GIN1: variants seen among roughly 807,000 people sequenced by gnomAD.
GIN1 encodes gypsy retrotransposon integrase 1.
Under a neutral mutation model 51.4 loss-of-function variants are expected in GIN1, and 41 were observed. The ratio of observed to expected loss-of-function variants is 0.80; its 90% confidence interval spans 0.62 to 1.04. The LOEUF (loss-of-function observed/expected upper bound fraction) is 1.04, where lower values mean the gene tolerates loss of function less well. Ranked by LOEUF, GIN1 falls within the 50% of genes least tolerant of loss-of-function variation. The probability of loss-of-function intolerance (pLI) is 0.00; values close to 1 mark genes in which losing one functional copy is unlikely to be tolerated. For synonymous variants in GIN1, 222 were observed against 206.5 expected, an observed-to-expected ratio of 1.07 and a Z score of -0.64; for missense variants, 610 against 612.4, an observed-to-expected ratio of 1.00 and a Z score of 0.04.
chr5:103,097,131 TC>T (rs1264970450), intron 6 of GIN1, among the ~76,000 whole-genome samples, 182 bp downstream of exon 6: 6 of 152,216 alleles, frequency 3.9e-5, no homozygotes, highest in African/African-American at 1.4e-4. Context: ...TTATTGCCTC[TC>T]AGCATTTCAT....
chr5:103,097,034 AT>A lies in GIN1; in HGVS notation c.1009-209del, dbSNP rs369668343. 6.8e-4 allele frequency among the ~76,000 whole-genome samples: 103 copies of A among 151,706 alleles called. No homozygotes were observed. The East Asian group carries it at 0.015, about 22-fold the overall frequency. ...AAGGTAAACTAAGATAGGTTAAGTA[AT>A]TTGCCGAAGTCAAACAACTCAAAAG... On this transcript the variant is annotated intron_variant, in intron 6 of 7. Coordinates refer to ENST00000399004, the MANE Select transcript of GIN1 (RefSeq NM_017676.2).
At chr5:103,106,462 T>C (rs1191911918) in intron 3 of GIN1, 3 of 295,614 alleles carry the variant, frequency 1.0e-5, no homozygotes, top group East Asian at 7.1e-5. Flanking sequence ...AAAAGTTCAA[T>C]GATACAAATC....
intron 1 of GIN1, among the ~76,000 whole-genome samples, chr5:103,111,485 G>A (rs1554196911): frequency 6.6e-6 from 1 of 152,090 alleles, no homozygotes; most frequent in Non-Finnish European, 1.5e-5. Flanking sequence ...GTAGGAAGAC[G>A]AGGTTTATAA....
At chr5:103,110,681 C>G (rs1377636372) in intron 1 of GIN1, among the ~76,000 whole-genome samples, 3 of 152,116 alleles carry the variant, frequency 2.0e-5, no homozygotes, top group African/African-American at 7.2e-5. Flanking sequence ...TGAGTTTCTT[C>G]TAAAGCTGAG....
intron 7 of GIN1, among the ~76,000 whole-genome samples, chr5:103,090,237 C>A (rs1405771592): frequency 1.3e-5 from 2 of 152,128 alleles, no homozygotes; most frequent in African/African-American, 4.8e-5. Flanking sequence ...TGCAGTAAGG[C>A]GAGATCGCAC....
chr5:103,110,142 A>G (rs1787832887), intron 1 of GIN1, among the ~76,000 whole-genome samples: 1 of 152,158 alleles, frequency 6.6e-6, no homozygotes, highest in Admixed American at 6.6e-5. Context: ...TTCTGGAAGA[A>G]AACATAGGAA....
At chr5:103,089,714 C>T (rs1787183207) in intron 7 of GIN1, among the ~76,000 whole-genome samples, 1 of 152,068 alleles carries the variant, frequency 6.6e-6, no homozygotes, top group Middle Eastern at 3.2e-3. Flanking sequence ...AGATTAATTG[C>T]CTATTTAGAT....
chr5:103,090,077 T>A (rs895869615), intron 7 of GIN1, among the ~76,000 whole-genome samples: 41 of 152,224 alleles, frequency 2.7e-4, no homozygotes, highest in Admixed American at 2.4e-3. Context: ...TCACTTAAGG[T>A]TAGGAGTTCG....
At chr5:103,104,453 C>T (rs1225952583) in intron 4 of GIN1, 88 bp downstream of exon 4, 2 of 644,244 alleles carry the variant, frequency 3.1e-6, no homozygotes, top group Non-Finnish European at 5.5e-6. Context: ...TTATTAAGCA[C>T]TCTGTAATAT....
chr5:103,089,148 T>C (rs1031681083), intron 7 of GIN1, among the ~76,000 whole-genome samples: 2 of 152,236 alleles, frequency 1.3e-5, no homozygotes, highest in East Asian at 1.9e-4. Context: ...ACTGAAGTAC[T>C]GACAGGGAGT....
chr5:103,101,807 T>C (rs910402247), intron 4 of GIN1, among the ~76,000 whole-genome samples: 3 of 152,334 alleles, frequency 2.0e-5, no homozygotes, highest in African/African-American at 7.2e-5. Context: ...ATCAATCGTA[T>C]ACATTATTAA....
At chr5:103,118,545 G>A (rs1344330812) in intron 1 of GIN1, among the ~76,000 whole-genome samples, 1 of 152,022 alleles carries the variant, frequency 6.6e-6, no homozygotes, top group Admixed American at 6.5e-5. Flanking sequence ...GAAGACTCAC[G>A]AATTGTATCC....
In GIN1 at chr5:103,107,800, T is replaced by C. The variant is rs1787767849; in HGVS notation, c.139+769A>G. Among the ~76,000 whole-genome samples, 3 of 152,108 alleles carry C rather than the reference T, an allele frequency of 2.0e-5. No individual in the cohort carries two copies. In the South Asian group the frequency reaches 6.2e-4, roughly 32 times the overall value. ...TAAGAGGTAATAGGTCTGCCTAATC[T>C]TAAGTATAAGGGAGTTATTGGTAGG... On this transcript the variant is annotated intron_variant, in intron 2 of 7. Transcript: ENST00000399004.
intron 7 of GIN1, among the ~76,000 whole-genome samples, chr5:103,090,923 ACACT>A (rs1453965862): frequency 2.6e-5 from 4 of 151,902 alleles, no homozygotes; most frequent in Non-Finnish European, 4.4e-5. Context: ...ACACACACAC[ACACT>A]CTTTTTCTTC....
At chr5:103,112,699 T>A (rs141278344) in intron 1 of GIN1, among the ~76,000 whole-genome samples, 2 of 152,304 alleles carry the variant, frequency 1.3e-5, no homozygotes, top group East Asian at 3.9e-4. Flanking sequence ...GATCTCTGAA[T>A]CTAAAGTGAT....
At chr5:103,117,538 T>C (rs924880665) in intron 1 of GIN1, among the ~76,000 whole-genome samples, 1 of 132,880 alleles carries the variant, frequency 7.5e-6, no homozygotes, top group Admixed American at 7.6e-5. Flanking sequence ...TGATACCCAA[T>C]AATGTGCAGG....
At chr5:103,091,140 T>G (rs1554194498) in intron 7 of GIN1, among the ~76,000 whole-genome samples, 1 of 152,184 alleles carries the variant, frequency 6.6e-6, no homozygotes, top group Non-Finnish European at 1.5e-5. Context: ...CTAAATCTAC[T>G]GGAGCTAAGA....
chr5:103,106,706 T>C lies in GIN1; in HGVS notation c.333+10A>G. On this transcript the variant is annotated intron_variant, in intron 3 of 7. Transcript: ENST00000399004. ...CATTATTCATAATACTCTAAATACATAAGCCATACCCACTGTTTGACATCA... is the reference window on the plus strand; with the variant it reads ...CATTATTCATAATACTCTAAATACACAAGCCATACCCACTGTTTGACATCA... The C allele has an allele frequency of 2.0e-6, 3 of 1,478,264 alleles. No homozygotes were observed. The highest frequency in any genetic ancestry group is 1.2e-5 in the South Asian group (1 of 81,838). The allele number at this position is 1,478,264 out of a possible 1,614,324, so 91.6% of individuals were successfully genotyped here.
At chr5:103,091,563 ATTTTGG>A (rs1554194539) in intron 7 of GIN1, among the ~76,000 whole-genome samples, 1 of 152,220 alleles carries the variant, frequency 6.6e-6, no homozygotes, top group Non-Finnish European at 1.5e-5. Context: ...TGAAAGCATC[ATTTTGG>A]TTTTGACAAG....
Sources: gnomAD v4.1 joint callset for allele counts (sites outside exome capture counted in the v4.1 genomes callset) on GRCh38, gnomAD v4.1.1 for gene constraint, MANE v1.5 for transcripts, NCBI Gene and HGNC (gene_info 2026-07-23, HGNC 2026-07-21) for gene names.